Variants in PLXDC2 observed in about 807,000 individuals in gnomAD.
PLXDC2 encodes plexin domain containing 2, also known as plexin domain-containing protein 2.
PLXDC2 carries 40 observed loss-of-function variants against 68.9 expected under a neutral mutation model. The observed-to-expected ratio is 0.58, with a 90% CI of 0.45 to 0.76. The LOEUF (loss-of-function observed/expected upper bound fraction) is 0.76. Ranked by LOEUF, PLXDC2 falls within the 30% of genes least tolerant of loss-of-function variation. The pLI, the probability that PLXDC2 is intolerant of heterozygous loss-of-function variation, is 0.00. For missense variants in PLXDC2, 644 were observed against 661.9 expected, an observed-to-expected ratio of 0.97 and a Z score of 0.30; for synonymous variants, 243 against 234.2, an observed-to-expected ratio of 1.04 and a Z score of -0.34.
intron 4 of PLXDC2, among the ~76,000 whole-genome samples, chr10:20,074,064 A>G (rs1836391041): frequency 6.6e-6 from 1 of 152,126 alleles, no homozygotes; most frequent in African/African-American, 2.4e-5. Context: ...GTAAGTATGT[A>G]GACAGATGGT....
intron 3 of PLXDC2, among the ~76,000 whole-genome samples, chr10:20,063,044 T>A (rs752153093): frequency 2.8e-4 from 43 of 152,172 alleles, no homozygotes; most frequent in Non-Finnish European, 4.9e-4. Flanking sequence ...CTAATAAGAA[T>A]AACATCTCAC....
At chr10:20,095,992 G>A (rs1183089168) in intron 4 of PLXDC2, among the ~76,000 whole-genome samples, 2 of 152,090 alleles carry the variant, frequency 1.3e-5, no homozygotes, top group Non-Finnish European at 2.9e-5. Context: ...AAATTCATGA[G>A]GGAGACATAG....
At chr10:20,147,133 G>A (rs1355213691) in intron 5 of PLXDC2, among the ~76,000 whole-genome samples, 1 of 152,114 alleles carries the variant, frequency 6.6e-6, no homozygotes, top group Non-Finnish European at 1.5e-5. Flanking sequence ...AACACTGACA[G>A]AGTGATTCAG....
intron 4 of PLXDC2, among the ~76,000 whole-genome samples, chr10:20,126,408 T>TATA (rs1202887887): frequency 5.9e-4 from 84 of 142,830 alleles, no homozygotes; most frequent in African/African-American, 2.2e-3. Context: ...TATATGTATA[T>TATA]ACAACACACG....
At chr10:19,943,302 T>A (rs1317753158) in intron 1 of PLXDC2, among the ~76,000 whole-genome samples, 2 of 152,170 alleles carry the variant, frequency 1.3e-5, no homozygotes. Context: ...TACACATGTA[T>A]CTTTACAGTA....
chr10:19,939,989 TATA>T (rs1474676654), intron 1 of PLXDC2, among the ~76,000 whole-genome samples: 1 of 151,936 alleles, frequency 6.6e-6, no homozygotes, highest in African/African-American at 2.4e-5. Context: ...TGGCTTTTTA[TATA>T]ATATGTCTAT....
At chr10:19,931,287 CCTT>C (rs1463584306) in intron 1 of PLXDC2, among the ~76,000 whole-genome samples, 5 of 152,200 alleles carry the variant, frequency 3.3e-5, no homozygotes, top group Non-Finnish European at 4.4e-5. Context: ...AGTGTGCACT[CCTT>C]CTTTCCACTC....
intron 1 of PLXDC2, among the ~76,000 whole-genome samples, chr10:19,978,930 A>C (rs909272318): frequency 4.6e-5 from 7 of 152,238 alleles, no homozygotes; most frequent in African/African-American, 1.7e-4. Context: ...TGATGGAACA[A>C]GAACAAAGTA....
intron 1 of PLXDC2, among the ~76,000 whole-genome samples, chr10:19,951,188 C>G (rs1487934586): frequency 6.6e-6 from 1 of 152,070 alleles, no homozygotes; most frequent in Non-Finnish European, 1.5e-5. Flanking sequence ...AAGAAGCTAT[C>G]AACAGAATAC....
At chr10:20,057,371 A>T (rs138273590) in intron 3 of PLXDC2, among the ~76,000 whole-genome samples, 3 of 152,126 alleles carry the variant, frequency 2.0e-5, no homozygotes, top group Admixed American at 1.3e-4. Flanking sequence ...AGTATATTTT[A>T]ACAATATTTT....
rs1836193855 is a variant in PLXDC2 at position 20,288,857 on chromosome 10, A to G, written c.*9038A>G. ...ACACAATTTATCTTTAAAGGTGTGG[A>G]AGCTGGTGGGGACCAAATGTTACCT... On this transcript the variant is annotated 3_prime_UTR_variant, in exon 14 of 14. Transcript: ENST00000377252. 6.6e-6 allele frequency: 1 copy of G among 152,114 alleles called. No homozygotes were observed. The highest frequency in any genetic ancestry group is 2.4e-5 in the African/African-American group (1 of 41,370). 9.4% of individuals were successfully genotyped at this position (152,114 alleles called of 1,614,324 possible).
At chr10:19,909,806 T>C (rs560199385) in intron 1 of PLXDC2, among the ~76,000 whole-genome samples, 37 of 152,248 alleles carry the variant, frequency 2.4e-4, no homozygotes, top group African/African-American at 8.9e-4. Context: ...GATGCTTTCG[T>C]AACACTTACT....
intron 1 of PLXDC2, among the ~76,000 whole-genome samples, chr10:19,830,017 C>T (rs939625142): frequency 1.3e-5 from 2 of 152,158 alleles, no homozygotes; most frequent in Non-Finnish European, 2.9e-5. Flanking sequence ...TAACCCACAA[C>T]TTGAATTGTC....
chr10:20,131,401 A>T (rs993581015), intron 4 of PLXDC2, among the ~76,000 whole-genome samples: 4 of 151,170 alleles, frequency 2.6e-5, no homozygotes, highest in African/African-American at 9.7e-5. Flanking sequence ...TTCACTTATA[A>T]TTTTTTTTCT....
intron 4 of PLXDC2, among the ~76,000 whole-genome samples, chr10:20,101,185 G>A (rs531840550): frequency 1.3e-5 from 2 of 152,290 alleles, no homozygotes; most frequent in South Asian, 2.1e-4. Context: ...AGATTTGAGA[G>A]GATGGGGGTA....
In PLXDC2 at chr10:20,140,445, C is replaced by CTATCTATCTATA. The variant is rs1833990372; in HGVS notation, c.542-2848_542-2847insTCTATCTATATA. Reference sequence around the variant, plus strand: ...TCTATCTATCTATCTATCTATCCGTCTAATCTTTAGCTGGGAATGCCCAGA... The same window carrying CTATCTATCTATA: ...TCTATCTATCTATCTATCTATCCGTCTATCTATCTATATAATCTTTAGCTGGGAATGCCCAGA... On this transcript the variant is annotated intron_variant, in intron 4 of 13. Transcript: ENST00000377252. 1.3e-5 allele frequency among the ~76,000 whole-genome samples: 2 copies of CTATCTATCTATA among 149,840 alleles called. 1 individual carries two copies. Among genetic ancestry groups the CTATCTATCTATA allele is most frequent in the South Asian group, 4.2e-4 (2 of 4,736 alleles).
Position 20,288,975 on chromosome 10 carries a change from A to C in PLXDC2, c.*9156A>C, listed in dbSNP as rs1484883672. On this transcript the variant is annotated 3_prime_UTR_variant, in exon 14 of 14. Coordinates refer to ENST00000377252, the MANE Select transcript of PLXDC2 (RefSeq NM_032812.9). ...AATTTGGGATTTTAGAAGGGGGAGG[A>C]GGGAGCTATTTGTGTAAGACTGCTG... is the stretch of plus-strand genomic sequence containing the variant. 2 of 152,170 alleles carry C rather than the reference A, an allele frequency of 1.3e-5. No homozygotes were observed. The highest frequency in any genetic ancestry group is 2.9e-5 in the Non-Finnish European group (2 of 68,026). 9.4% of individuals were successfully genotyped at this position (152,170 alleles called of 1,614,324 possible).
intron 7 of PLXDC2, among the ~76,000 whole-genome samples, chr10:20,170,627 G>A (rs1321873283): frequency 6.6e-6 from 1 of 152,112 alleles, no homozygotes; most frequent in Non-Finnish European, 1.5e-5. Flanking sequence ...AGACCAGTAT[G>A]CTATTCAGAG....
chr10:19,946,810 A>G (rs1015547102), intron 1 of PLXDC2, among the ~76,000 whole-genome samples: 1 of 152,034 alleles, frequency 6.6e-6, no homozygotes, highest in African/African-American at 2.4e-5. Flanking sequence ...GCAGTTTACA[A>G]TAGGCTTTGT....
Sources: gnomAD v4.1 joint callset for allele counts (sites outside exome capture counted in the v4.1 genomes callset) on GRCh38, gnomAD v4.1.1 for gene constraint, MANE v1.5 for transcripts, NCBI Gene and HGNC (gene_info 2026-07-23, HGNC 2026-07-21) for gene names.